The following PCDH9 variants were observed in gnomAD, a reference collection of about 807,000 sequenced individuals.
PCDH9 encodes the protein protocadherin-9.
Under a neutral mutation model 70.6 loss-of-function variants are expected in PCDH9, and 24 were observed. The ratio of observed to expected loss-of-function variants is 0.34; its 90% CI spans 0.25 to 0.48. PCDH9 has a LOEUF of 0.48. Ranked by LOEUF, PCDH9 falls within the 20% of genes least tolerant of loss-of-function variation. PCDH9 has a pLI of 0.99. For synonymous variants in PCDH9, 562 were observed against 558.5 expected, an observed-to-expected ratio of 1.01 and a Z score of -0.09; for missense variants, 1,281 against 1,503.6, an observed-to-expected ratio of 0.85 and a Z score of 2.45.
intron 4 of PCDH9, among the ~76,000 whole-genome samples, chr13:66,419,265 A>G (rs973082754): frequency 6.6e-6 from 1 of 152,184 alleles, no homozygotes. Flanking sequence ...ATTTCAGGCC[A>G]ATATCCCTGA....
chr13:66,543,817 C>T (rs979158719), intron 4 of PCDH9, among the ~76,000 whole-genome samples: 28 of 152,196 alleles, frequency 1.8e-4, no homozygotes, highest in African/African-American at 6.3e-4. Flanking sequence ...GCTACAAGAG[C>T]TTTGTCTCTA....
chr13:66,975,263 G>A (rs994609200), intron 2 of PCDH9, among the ~76,000 whole-genome samples: 3 of 151,908 alleles, frequency 2.0e-5, no homozygotes, highest in Admixed American at 6.6e-5. Flanking sequence ...ACGCTATTTG[G>A]AGAGATCTCA....
chr13:66,579,513 T>C (rs2076860730), intron 4 of PCDH9, among the ~76,000 whole-genome samples: 1 of 152,098 alleles, frequency 6.6e-6, no homozygotes, highest in Non-Finnish European at 1.5e-5. Flanking sequence ...GGATTTTCGA[T>C]GCTGACAATT....
At chr13:66,925,809 G>C (rs1247482505) in intron 2 of PCDH9, among the ~76,000 whole-genome samples, 3 of 151,896 alleles carry the variant, frequency 2.0e-5, no homozygotes, top group African/African-American at 7.3e-5. Flanking sequence ...ACTTTGTAAA[G>C]TGAATTTTTG....
intron 3 of PCDH9, among the ~76,000 whole-genome samples, chr13:66,710,182 A>G (rs1405911475): frequency 6.6e-6 from 1 of 152,106 alleles, no homozygotes; most frequent in Non-Finnish European, 1.5e-5. Flanking sequence ...GAACTAGAAT[A>G]AGTTTTATTT....
At chr13:66,683,012 G>A (rs562073306) in intron 3 of PCDH9, among the ~76,000 whole-genome samples, 1 of 152,242 alleles carries the variant, frequency 6.6e-6, no homozygotes, top group South Asian at 2.1e-4. Flanking sequence ...AAATGGCAGA[G>A]GTTTGTTGGG....
Position 66,563,141 on chromosome 13 carries a change from T to C in PCDH9, c.3340+68069A>G, listed in dbSNP as rs76789519. ...CTTGACTTTGTTGTGTTGTATGTTC[T>C]ATCTTTTCTTATCCAAAATAGAACT... On this transcript the variant is annotated intron_variant, in intron 4 of 4. Coordinates refer to ENST00000377865, the MANE Select transcript of PCDH9 (RefSeq NM_203487.3). 4.4e-3 allele frequency among the ~76,000 whole-genome samples: 667 copies of C among 152,254 alleles called. 26 individuals carry two copies. In the East Asian group the frequency reaches 0.085, roughly 19 times the overall value.
chr13:66,459,485 T>G (rs1433596230), intron 4 of PCDH9, among the ~76,000 whole-genome samples: 1 of 151,910 alleles, frequency 6.6e-6, no homozygotes, highest in Non-Finnish European at 1.5e-5. Context: ...TTTTTTTATA[T>G]TTTAGTTTGA....
intron 3 of PCDH9, among the ~76,000 whole-genome samples, chr13:66,764,616 T>C (rs1447078766): frequency 1.3e-5 from 2 of 151,864 alleles, no homozygotes; most frequent in Non-Finnish European, 2.9e-5. Context: ...AGAACAAAAG[T>C]AAAGAAAAAA....
At chr13:66,948,908 G>T (rs1243133712) in intron 2 of PCDH9, among the ~76,000 whole-genome samples, 2 of 151,712 alleles carry the variant, frequency 1.3e-5, no homozygotes, top group East Asian at 3.9e-4. Context: ...AGCATTTTAG[G>T]TTTGAAACTA....
chr13:67,083,613 TA>T (rs558781860), intron 2 of PCDH9, among the ~76,000 whole-genome samples: 2 of 152,070 alleles, frequency 1.3e-5, no homozygotes, highest in Non-Finnish European at 2.9e-5. Context: ...TAGCTAGTAG[TA>T]AAAAAATTGA....
chr13:67,229,022 C>T (rs895379226), intron 1 of PCDH9, among the ~76,000 whole-genome samples: 10 of 152,190 alleles, frequency 6.6e-5, no homozygotes, highest in African/African-American at 2.4e-4. Flanking sequence ...CCCACTGAGT[C>T]ACCTATCTTT....
chr13:66,691,550 T>C (rs973955339), intron 3 of PCDH9, among the ~76,000 whole-genome samples: 6 of 152,126 alleles, frequency 3.9e-5, no homozygotes, highest in Non-Finnish European at 8.8e-5. Context: ...TTTACTATTA[T>C]TTTAACTTTT....
intron 4 of PCDH9, among the ~76,000 whole-genome samples, chr13:66,377,671 A>G (rs1485798269): frequency 6.6e-6 from 1 of 152,184 alleles, no homozygotes; most frequent in Non-Finnish European, 1.5e-5. Flanking sequence ...CTTCTGAAGA[A>G]AAAAGCAGGG....
At chr13:66,546,395 C>T (rs535934106) in intron 4 of PCDH9, among the ~76,000 whole-genome samples, 38 of 151,738 alleles carry the variant, frequency 2.5e-4, no homozygotes, top group African/African-American at 9.2e-4. Context: ...TTTTAACAAA[C>T]AGTTCAAAAA....
chr13:66,566,706 T>A (rs1179558227), intron 4 of PCDH9, among the ~76,000 whole-genome samples: 1 of 151,054 alleles, frequency 6.6e-6, no homozygotes, highest in South Asian at 2.1e-4. Context: ...TGTTCTGAAG[T>A]GAAATTGTCT....
chr13:67,030,701 T>C (rs1189555057), intron 2 of PCDH9, among the ~76,000 whole-genome samples: 1 of 152,180 alleles, frequency 6.6e-6, no homozygotes, highest in East Asian at 1.9e-4. Context: ...CTATATCTCC[T>C]TAGCACCTTT....
At chr13:66,416,701 C>A (rs1216913982) in intron 4 of PCDH9, among the ~76,000 whole-genome samples, 3 of 152,104 alleles carry the variant, frequency 2.0e-5, no homozygotes, top group Non-Finnish European at 4.4e-5. Context: ...AGGCAAAATG[C>A]ACTAACAAAG....
At chr13:66,478,789 AG>A (rs1361179299) in intron 4 of PCDH9, among the ~76,000 whole-genome samples, 1 of 152,242 alleles carries the variant, frequency 6.6e-6, no homozygotes, top group Non-Finnish European at 1.5e-5. Flanking sequence ...ATAACATAAA[AG>A]TACAAGGCGA....
Sources: allele counts gnomAD v4.1 joint callset (sites outside exome capture counted in the v4.1 genomes callset), GRCh38; gene constraint gnomAD v4.1.1; transcripts MANE v1.5; gene names NCBI Gene and HGNC (gene_info 2026-07-23, HGNC 2026-07-21).